NRAS: variants seen among roughly 807,000 people sequenced by gnomAD.
The protein encoded by NRAS is NRAS proto-oncogene, GTPase, also known as GTPase NRas.
NRAS carries 6 observed loss-of-function variants against 21.3 expected under a neutral mutation model. That is an observed-to-expected ratio of 0.28 (90% CI 0.15 to 0.56). The LOEUF is 0.56. NRAS is among the 20% of genes least tolerant of loss of function. NRAS has a pLI of 0.93. For missense variants in NRAS, 143 were observed against 231.3 expected, an observed-to-expected ratio of 0.62 and a Z score of 2.48; for synonymous variants, 84 against 82.0, an observed-to-expected ratio of 1.02 and a Z score of -0.13.
At chr1:114,711,069 T>C (rs1024892476) in intron 3 of NRAS, among the ~76,000 whole-genome samples, 6 of 151,814 alleles carry the variant, frequency 4.0e-5, no homozygotes, top group Admixed American at 2.6e-4. Flanking sequence ...CTCTAGGAGA[T>C]TGAGGTGGGA....
rs527396130 is a variant in NRAS at position 114,707,108 on chromosome 1, A to T, written c.*986T>A. The T allele has an allele frequency of 6.5e-5, 10 of 152,786 alleles. No individual in the cohort carries two copies. The highest frequency in any genetic ancestry group is 2.6e-4 in the Admixed American group (4 of 15,308). The allele number at this position is 152,786 out of a possible 1,614,324, so 9.5% of individuals were successfully genotyped here. A position where few individuals can be genotyped will look rare whatever the true frequency, so the allele number is the denominator to read the frequency against. On this transcript the variant is annotated 3_prime_UTR_variant, in exon 7 of 7. Coordinates refer to ENST00000369535, the MANE Select transcript of NRAS (RefSeq NM_002524.5). ...CAAATTTGAATACAAATGGAAGTTC[A>T]TTGAATATTAGGTTTATCAGTAAGC...
chr1:114,715,745 G>A (rs1186925374), intron 2 of NRAS, among the ~76,000 whole-genome samples: 2 of 151,992 alleles, frequency 1.3e-5, no homozygotes, highest in African/African-American at 4.8e-5. Context: ...AGACAGTCTC[G>A]CTACTATGGC....
rs1209366753 is a variant in NRAS, at chr1:114,706,188, T to C, written c.*1906A>G. 6.6e-6 allele frequency: 1 copy of C among 152,232 alleles called. No homozygotes were observed. Among genetic ancestry groups the C allele is most frequent in the Non-Finnish European group, 1.5e-5 (1 of 68,050 alleles). The allele number at this position is 152,232 out of a possible 1,614,324, so 9.4% of individuals were successfully genotyped here. A position where few individuals can be genotyped will look rare whatever the true frequency, so the allele number is the denominator to read the frequency against. On this transcript the variant is annotated 3_prime_UTR_variant, in exon 7 of 7. Coordinates refer to ENST00000369535, the MANE Select transcript of NRAS (RefSeq NM_002524.5). ...TTATACTCTGGACACAGTATATGTTTCTTCTCTTCTGAATTTCAAGGTAAT... is the reference window on the plus strand; with the variant it reads ...TTATACTCTGGACACAGTATATGTTCCTTCTCTTCTGAATTTCAAGGTAAT...
chr1:114,714,746 A>T (rs1208824592), intron 2 of NRAS, among the ~76,000 whole-genome samples: 1 of 152,198 alleles, frequency 6.6e-6, no homozygotes, highest in Non-Finnish European at 1.5e-5. Flanking sequence ...GTAGACATAA[A>T]ATTTATGTAT....
rs1399344302 is a variant in NRAS, at chr1:114,705,092, A to G, written c.*3002T>C. The G allele has an allele frequency of 6.6e-6, 1 of 152,164 alleles. No individual in the cohort carries two copies. The highest frequency in any genetic ancestry group is 1.5e-5 in the Non-Finnish European group (1 of 68,036). 9.4% of individuals were successfully genotyped at this position (152,164 alleles called of 1,614,324 possible). On this transcript the variant is annotated 3_prime_UTR_variant, in exon 7 of 7. Coordinates refer to ENST00000369535, the MANE Select transcript of NRAS (RefSeq NM_002524.5). ...TTAGGAGTTCATGACTATAAATATAAAGCAAATATGATTATGCTCACAAGC... is the reference window on the plus strand; with the variant it reads ...TTAGGAGTTCATGACTATAAATATAGAGCAAATATGATTATGCTCACAAGC...
intron 2 of NRAS, 79 bp from the exon 3 acceptor site, chr1:114,714,057 T>C (rs1276839373): frequency 2.2e-6 from 2 of 903,618 alleles, no homozygotes; most frequent in Admixed American, 4.4e-5. Flanking sequence ...TGCAATGCTA[T>C]TGCCAAGGTT....
rs1288491557 is a variant in NRAS, at chr1:114,706,386, TG to T, written c.*1707del. The T allele has an allele frequency of 9.2e-5, 14 of 152,230 alleles. No homozygotes were observed. The highest frequency in any genetic ancestry group is 3.4e-4 in the African/African-American group (14 of 41,460). 9.4% of individuals were successfully genotyped at this position (152,230 alleles called of 1,614,324 possible). On this transcript the variant is annotated 3_prime_UTR_variant, in exon 7 of 7. Coordinates refer to ENST00000369535, the MANE Select transcript of NRAS (RefSeq NM_002524.5). ...CCAGGGTATTATCTGCAAATTAAAATGCCAAGCCTCCAAATCCTCATAGGTA... is the reference window on the plus strand; with the variant it reads ...CCAGGGTATTATCTGCAAATTAAAATCCAAGCCTCCAAATCCTCATAGGTA...
intron 5 of NRAS, 73 bp downstream of exon 5, chr1:114,708,458 C>T (rs1180171692): frequency 7.3e-6 from 10 of 1,375,168 alleles, no homozygotes; most frequent in Non-Finnish European, 9.3e-6. Flanking sequence ...TAGACAATAA[C>T]ACCAGCACTC....
At chr1:114,716,530 C>A in intron 1 of NRAS, 128 bp downstream of exon 1, 1 of 359,188 alleles carries the variant, frequency 2.8e-6, no homozygotes, top group South Asian at 2.3e-5. Flanking sequence ...CACGTAGGCA[C>A]CAAATGGAAG....
intron 3 of NRAS, among the ~76,000 whole-genome samples, chr1:114,711,635 AC>A (rs894153720): frequency 6.6e-6 from 1 of 152,042 alleles, no homozygotes; most frequent in Non-Finnish European, 1.5e-5. Context: ...AACAAAAAAA[AC>A]AAACCTAAAA....
Position 114,708,617 on chromosome 1 carries a change from A to G in NRAS, c.488T>C (p.Ile163Thr). The change falls in exon 5 of 7, where the codon ATA (isoleucine) becomes ACA (threonine). Residue 163 changes from isoleucine to threonine, a missense_variant. By Grantham distance (89) the Ile-to-Thr change is moderately conservative. Coordinates refer to ENST00000369535, the MANE Select transcript of NRAS (RefSeq NM_002524.5). ...GAGTTTTTTCATTCGGTACTGGCGT[A>G]TTTCTCTTACCAGTGTGTAAAAAGC... The part of the protein sequence containing the change: ...EDAFYTLVRE[I>T]RQYRMKKLNS... 6.2e-7 allele frequency: 1 copy of G among 1,613,168 alleles called. No homozygotes were observed.
chr1:114,710,781 A>G (rs1659028898), intron 3 of NRAS, among the ~76,000 whole-genome samples: 1 of 152,218 alleles, frequency 6.6e-6, no homozygotes, highest in Admixed American at 6.5e-5. Context: ...TCACCTTCTA[A>G]TGGGAGTGGA....
At chr1:114,714,530 G>A (rs1396951494) in intron 2 of NRAS, among the ~76,000 whole-genome samples, 1 of 151,916 alleles carries the variant, frequency 6.6e-6, no homozygotes, top group Non-Finnish European at 1.5e-5. Context: ...TTCCAAACAA[G>A]GTATAGTTAT....
At chr1:114,708,400 C>T in intron 5 of NRAS, 131 bp downstream of exon 5, 3 of 823,854 alleles carry the variant, frequency 3.6e-6, no homozygotes, top group Non-Finnish European at 6.4e-6. Flanking sequence ...GAAAGGGTGT[C>T]ATATGGAAAA....
At chr1:114,710,411 G>C (rs1324038044) in intron 3 of NRAS, among the ~76,000 whole-genome samples, 4 of 149,050 alleles carry the variant, frequency 2.7e-5, no homozygotes, top group Admixed American at 1.3e-4. Context: ...AGCTAATTGG[G>C]AGACTGAGGT....
intron 4 of NRAS, 65 bp from the exon 5 acceptor site, chr1:114,708,719 G>A (rs1658973132): frequency 6.7e-7 from 1 of 1,493,128 alleles, no homozygotes; most frequent in African/African-American, 1.4e-5. Flanking sequence ...CAAATTATAA[G>A]CTCTCTTGCA....
At chr1:114,714,021 C>A (rs2101742316) in intron 2 of NRAS, 43 bp from the exon 3 acceptor site, 1 of 998,086 alleles carries the variant, frequency 1.0e-6, no homozygotes, top group Non-Finnish European at 1.5e-6. Flanking sequence ...GAGGGAAGTT[C>A]AATTTTTATT....
At chr1:114,715,026 TTATC>T (rs1292535272) in intron 2 of NRAS, among the ~76,000 whole-genome samples, 5 of 152,162 alleles carry the variant, frequency 3.3e-5, no homozygotes, top group East Asian at 1.9e-4. Context: ...CTTTATTTAT[TTATC>T]TATTTATTTA....
chr1:114,708,552 G>A lies in NRAS; in HGVS notation c.553C>T (p.Pro185Ser), dbSNP rs374061873. Residue 185 changes from proline to serine, a missense_variant, in exon 5 of 7, where the codon CCA becomes TCA. Pro to Ser is a moderately conservative substitution (Grantham distance 74). Transcript: ENST00000369535. Reference protein sequence around the residue: ...DDGTQGCMGLPCVVM With the variant: ...DDGTQGCMGLSCVVM ...TCACCTTGTTACATCACCACACATGGCAATCCCATACAACCCTGAGTCCCA... is the reference window on the plus strand; with the variant it reads ...TCACCTTGTTACATCACCACACATGACAATCCCATACAACCCTGAGTCCCA... 127 of 1,613,544 alleles carry A rather than the reference G, an allele frequency of 7.9e-5. No individual in the cohort carries two copies. Among genetic ancestry groups the A allele is most frequent in the Admixed American group, 1.2e-4 (7 of 59,984 alleles).
Sources: allele counts gnomAD v4.1 joint callset (sites outside exome capture counted in the v4.1 genomes callset), GRCh38; gene constraint gnomAD v4.1.1; transcripts MANE v1.5; gene names NCBI Gene and HGNC (gene_info 2026-07-23, HGNC 2026-07-21).